Variants in FZD6 observed in about 807,000 individuals in gnomAD.
FZD6 encodes the protein frizzled-6.
In FZD6, 49 loss-of-function variants were observed where a neutral mutation model predicts 61.4. The ratio of observed to expected loss-of-function variants is 0.80; its 90% CI spans 0.63 to 1.01. The LOEUF (loss-of-function observed/expected upper bound fraction) is 1.01, where lower values mean the gene tolerates loss of function less well. FZD6 is among the 50% of genes least tolerant of loss of function. FZD6 has a pLI of 0.00. For synonymous variants in FZD6, 265 were observed against 292.2 expected, an observed-to-expected ratio of 0.91 and a Z score of 0.95; for missense variants, 724 against 848.2, an observed-to-expected ratio of 0.85 and a Z score of 1.82.
At chr8:103,321,233 G>A (rs1278864316) in intron 3 of FZD6, among the ~76,000 whole-genome samples, 2 of 152,148 alleles carry the variant, frequency 1.3e-5, no homozygotes, top group Non-Finnish European at 2.9e-5. Flanking sequence ...GTTTGAGAAT[G>A]CTTGATACAT....
At chr8:103,321,867 AGT>A (rs1319073828) in intron 3 of FZD6, among the ~76,000 whole-genome samples, 1 of 152,116 alleles carries the variant, frequency 6.6e-6, no homozygotes, top group Non-Finnish European at 1.5e-5. Flanking sequence ...TCCCCACAGC[AGT>A]GCATGTCCAC....
intron 2 of FZD6, among the ~76,000 whole-genome samples, chr8:103,303,060 G>A (rs1814217017): frequency 6.6e-6 from 1 of 152,098 alleles, no homozygotes; most frequent in Non-Finnish European, 1.5e-5. Context: ...TCAAATTTGT[G>A]CAGTCCACTT....
At chr8:103,317,329 G>A (rs1361698982) in intron 2 of FZD6, among the ~76,000 whole-genome samples, 1 of 152,208 alleles carries the variant, frequency 6.6e-6, no homozygotes, top group Non-Finnish European at 1.5e-5. Context: ...AAGGCTCATG[G>A]GAATTGGAAA....
rs1049206443 is a variant in FZD6, at chr8:103,318,666, G to A, written c.254G>A (p.Cys85Tyr). The A allele has an allele frequency of 1.2e-6, 2 of 1,608,078 alleles. No individual in the cohort carries two copies. The highest frequency in any genetic ancestry group is 1.7e-6 in the Non-Finnish European group (2 of 1,174,620). The change falls in exon 3 of 7, where the codon TGC (cysteine) becomes TAC (tyrosine). Residue 85 changes from cysteine to tyrosine, a missense_variant. By Grantham distance (194) the Cys-to-Tyr change is radical. Transcript: ENST00000358755. ...TFLCKAFVPTCIEQIHVVPPC... is the reference protein window; with the variant it reads ...TFLCKAFVPTYIEQIHVVPPC... ...CTCTGCAAAGCATTTGTACCAACCT[G>A]CATAGAACAAATTCATGTGGTTCCA...
At chr8:103,304,216 A>G (rs547364181) in intron 2 of FZD6, among the ~76,000 whole-genome samples, 1 of 152,384 alleles carries the variant, frequency 6.6e-6, no homozygotes, top group East Asian at 1.9e-4. Flanking sequence ...ATAAGTCAAA[A>G]GATCTATCTC....
chr8:103,322,372 T>TA (rs11423905), intron 3 of FZD6, among the ~76,000 whole-genome samples: 43,341 of 124,430 alleles, frequency 0.35, 7,609 homozygotes, highest in Middle Eastern at 0.47. Context: ...CAGTCTCCAT[T>TA]AAAAAAAAAA....
chr8:103,311,928 G>A (rs1464294590), intron 2 of FZD6, among the ~76,000 whole-genome samples: 3 of 152,018 alleles, frequency 2.0e-5, no homozygotes, highest in Non-Finnish European at 4.4e-5. Flanking sequence ...GGTAGCACAG[G>A]TAGTTAAACT....
intron 2 of FZD6, among the ~76,000 whole-genome samples, chr8:103,305,824 G>C (rs1414470869): frequency 1.3e-5 from 2 of 152,312 alleles, no homozygotes; most frequent in Non-Finnish European, 2.9e-5. Context: ...TGAAGAGAAA[G>C]GATATTTCTC....
rs144967589 is a variant in FZD6 at position 103,330,636 on chromosome 8, G to A, written c.1952+571G>A. ...ATGGCAGCTTTCATATATTTGGATT[G>A]TAATTAGATACATGCTTTATCTTCT... On this transcript the variant is annotated intron_variant, in intron 6 of 6. Transcript: ENST00000358755. Among the ~76,000 whole-genome samples the A allele has an allele frequency of 4.6e-5, 7 of 152,262 alleles. No homozygotes were observed. In the East Asian group the frequency reaches 1.4e-3, roughly 29 times the overall value.
chr8:103,329,013 T>TTTTTTATATATATATATATATATATA (rs143400765), intron 5 of FZD6, among the ~76,000 whole-genome samples: 3 of 115,176 alleles, frequency 2.6e-5, no homozygotes, highest in Middle Eastern at 6.0e-3. Context: ...CATTTTAGTT[T>TTTTTTATATATATATATATATATATA]TATATATATA....
At chr8:103,316,164 T>A (rs562742955) in intron 2 of FZD6, among the ~76,000 whole-genome samples, 1 of 152,338 alleles carries the variant, frequency 6.6e-6, no homozygotes, top group East Asian at 1.9e-4. Context: ...TTTATTTTTT[T>A]AATACCCTCC....
intron 4 of FZD6, among the ~76,000 whole-genome samples, chr8:103,327,236 T>C (rs531018007): frequency 6.6e-6 from 1 of 152,354 alleles, no homozygotes; most frequent in African/African-American, 2.4e-5. Context: ...GAAGTAAGTA[T>C]CTATTAACAG....
chr8:103,318,788 TA>T lies in FZD6; in HGVS notation c.374+5del, dbSNP rs1489307988. 1.3e-6 allele frequency: 2 copies of T among 1,562,158 alleles called. No individual in the cohort carries two copies. Among genetic ancestry groups the T allele is most frequent in the Admixed American group, 1.7e-5 (1 of 59,894 alleles). On this transcript the variant is annotated splice_donor_region_variant and intron_variant, in intron 3 of 6. Transcript: ENST00000358755. ...GCCTGAGGAGCTTGAATGTGACAGG[TA>T]AACAATGTTTTTCATGGAAAGCTAC... is the stretch of plus-strand genomic sequence containing the variant.
rs201432167 is a variant in FZD6 at position 103,330,052 on chromosome 8, C to T, written c.1939C>T (p.Arg647Trp). The T allele has an allele frequency of 2.7e-5, 44 of 1,613,470 alleles. No homozygotes were observed. Among genetic ancestry groups the T allele is most frequent in the East Asian group, 2.7e-4 (12 of 44,890 alleles). The change falls in exon 6 of 7, where the codon CGG (arginine) becomes TGG (tryptophan). Residue 647 changes from arginine (R) to tryptophan (W), a missense_variant. Coordinates refer to ENST00000358755, the MANE Select transcript of FZD6 (RefSeq NM_003506.4). Reference sequence around the variant, plus strand: ...GGCAGGCAGTGTATCTGAAAGTGCGCGGAGTGAAGGAAGGTGAGATTTGAT... The same window carrying T: ...GGCAGGCAGTGTATCTGAAAGTGCGTGGAGTGAAGGAAGGTGAGATTTGAT... ...GQAGSVSESA[R>W]SEGRISPKSD...
Position 103,318,086 on chromosome 8 carries a change from G to A in FZD6, c.178-504G>A, listed in dbSNP as rs75215013. Among the ~76,000 whole-genome samples the A allele has an allele frequency of 9.8e-5, 15 of 152,316 alleles. No homozygotes were observed. The East Asian group carries it at 2.7e-3, about 27-fold the overall frequency. On this transcript the variant is annotated intron_variant, in intron 2 of 6. Transcript: ENST00000358755. ...TTCACAGTAGACATGGGGACTGGAT[G>A]AGTTTCCCTTGAGAGTCAGTAGAGA...
At chr8:103,326,191 A>G (rs1372895372) in intron 4 of FZD6, among the ~76,000 whole-genome samples, 1 of 152,232 alleles carries the variant, frequency 6.6e-6, no homozygotes, top group African/African-American at 2.4e-5. Context: ...TGCATTGAAC[A>G]TGAGCACTGC....
At chr8:103,330,133 A>G in intron 6 of FZD6, 68 bp downstream of exon 6, 1 of 1,368,958 alleles carries the variant, frequency 7.3e-7, no homozygotes, top group East Asian at 2.3e-5. Context: ...TTATTAAAGC[A>G]TAACACATTT....
chr8:103,325,916 A>G (rs1009857518), intron 4 of FZD6, among the ~76,000 whole-genome samples: 2 of 152,194 alleles, frequency 1.3e-5, no homozygotes, highest in Admixed American at 6.5e-5. Context: ...CTTTTTACAT[A>G]GTATATACTT....
At chr8:103,323,680 C>T (rs1814857835) in intron 3 of FZD6, among the ~76,000 whole-genome samples, 2 of 152,312 alleles carry the variant, frequency 1.3e-5, no homozygotes, top group South Asian at 4.1e-4. Flanking sequence ...ATCCACCTGC[C>T]TCAGCCTCCC....
Sources: allele counts gnomAD v4.1 joint callset (sites outside exome capture counted in the v4.1 genomes callset), GRCh38; gene constraint gnomAD v4.1.1; transcripts MANE v1.5; gene names NCBI Gene and HGNC (gene_info 2026-07-23, HGNC 2026-07-21).